The following CA14 variants were observed in gnomAD, a reference collection of about 807,000 sequenced individuals.
The protein encoded by CA14 is carbonic anhydrase 14.
In CA14, 44 loss-of-function variants were observed where a neutral mutation model predicts 48.8. That is an observed-to-expected ratio of 0.90 (90% confidence interval 0.71 to 1.16). The LOEUF is 1.16. Ranked by LOEUF, CA14 falls within the 50% of genes most tolerant of loss-of-function variation. The probability of loss-of-function intolerance (pLI) is 0.00; values close to 1 mark genes in which losing one functional copy is unlikely to be tolerated. For missense variants in CA14, 386 were observed against 401.0 expected, an observed-to-expected ratio of 0.96 and a Z score of 0.32; for synonymous variants, 154 against 155.0, an observed-to-expected ratio of 0.99 and a Z score of 0.05.
Position 150,258,025 on chromosome 1 carries a change from T to TCG in CA14, c.-102_-101dup, listed in dbSNP as rs1553847046. The TCG allele has an allele frequency of 1.2e-5, 9 of 743,968 alleles. No individual in the cohort carries two copies. The highest frequency in any genetic ancestry group is 1.9e-5 in the African/African-American group (1 of 53,230). 46.1% of individuals were successfully genotyped at this position (743,968 alleles called of 1,614,324 possible). A position where few individuals can be genotyped will look rare whatever the true frequency, so the allele number is the denominator to read the frequency against. On this transcript the variant is annotated 5_prime_UTR_variant, in exon 1 of 11. Coordinates refer to ENST00000369111, the MANE Select transcript of CA14 (RefSeq NM_012113.3). ...AAATACACTCACGCCAGGAGCTCGCTCGCTCTCTCTCTCTCTCTCTCACTC... is the reference window on the plus strand; with the variant it reads ...AAATACACTCACGCCAGGAGCTCGCTCGCGCTCTCTCTCTCTCTCTCTCACTC...
chr1:150,264,726 G>C lies in CA14; in HGVS notation c.*67G>C, dbSNP rs1553849098. The C allele has an allele frequency of 3.1e-6, 4 of 1,276,230 alleles. No homozygotes were observed. The highest frequency in any genetic ancestry group is 4.5e-6 in the Non-Finnish European group (4 of 887,148). 79.1% of individuals were successfully genotyped at this position (1,276,230 alleles called of 1,614,324 possible). On this transcript the variant is annotated 3_prime_UTR_variant, in exon 11 of 11. Transcript: ENST00000369111. ...TGCCTATCAGGAAGCCTCTAAAATGGGGTGTAGGATCTGGCCAGAAACACT... is the reference window on the plus strand; with the variant it reads ...TGCCTATCAGGAAGCCTCTAAAATGCGGTGTAGGATCTGGCCAGAAACACT...
In CA14 at chr1:150,260,026, C is replaced by T. The variant is rs371626400; in HGVS notation, c.56-125C>T. Reference sequence around the variant, plus strand: ...GGGCTTCCTTTGCAAAGTGCTGGAGCAGAGGGAGGAGAGACTGCAGAGAGG... The same window carrying T: ...GGGCTTCCTTTGCAAAGTGCTGGAGTAGAGGGAGGAGAGACTGCAGAGAGG... On this transcript the variant is annotated intron_variant, in intron 1 of 10. Transcript: ENST00000369111. 7.8e-6 allele frequency: 7 copies of T among 901,500 alleles called. No homozygotes were observed. The East Asian group carries it at 1.5e-4, about 20-fold the overall frequency. The allele number at this position is 901,500 out of a possible 1,614,324, so 55.8% of individuals were successfully genotyped here. A position where few individuals can be genotyped will look rare whatever the true frequency, so the allele number is the denominator to read the frequency against.
Position 150,263,815 on chromosome 1 carries a change from T to C in CA14, c.884T>C (p.Val295Ala). ...CCAGGTGAAATGCTGAGTCTAGGTG[T>C]AGGAATCTTGGTTGGCTGTCTCTGC... ...YTTGEMLSLG[V>A]GILVGCLCLL... The change falls in exon 10 of 11, where the codon GTA (valine) becomes GCA (alanine). Residue 295 changes from valine to alanine, a missense_variant. Val to Ala is a moderately conservative substitution (Grantham distance 64). Transcript: ENST00000369111. The C allele has an allele frequency of 1.2e-6, 2 of 1,614,012 alleles. No individual in the cohort carries two copies. Among genetic ancestry groups the C allele is most frequent in the Non-Finnish European group, 1.7e-6 (2 of 1,179,934 alleles).
rs1651514802 is a variant in CA14, at chr1:150,264,755, G to GGA, written c.*98_*99dup. The stretch of plus-strand genomic sequence containing the variant: ...GTAGGATCTGGCCAGAAACACTGTA[G>GGA]GAGTAGTAAGCAGATGTCCTCCTTC... On this transcript the variant is annotated 3_prime_UTR_variant, in exon 11 of 11. Coordinates refer to ENST00000369111, the MANE Select transcript of CA14 (RefSeq NM_012113.3). The GGA allele has an allele frequency of 7.0e-6, 6 of 859,986 alleles. No homozygotes were observed. The highest frequency in any genetic ancestry group is 4.6e-5 in the Admixed American group (2 of 43,818). 53.3% of individuals were successfully genotyped at this position (859,986 alleles called of 1,614,324 possible). A position where few individuals can be genotyped will look rare whatever the true frequency, so the allele number is the denominator to read the frequency against.
At chr1:150,261,664 G>T (rs201693213) in intron 3 of CA14, 26 bp downstream of exon 3, 33 of 1,606,236 alleles carry the variant, frequency 2.1e-5, no homozygotes, top group African/African-American at 5.3e-5. Flanking sequence ...CCAAGGAGTT[G>T]TAGGCTCCAG....
intron 4 of CA14, 82 bp downstream of exon 4, chr1:150,262,382 A>T: frequency 6.5e-7 from 1 of 1,537,572 alleles, no homozygotes; most frequent in Non-Finnish European, 8.9e-7. Flanking sequence ...CCTTAGGAAA[A>T]GTCATGCTGG....
rs1469865842 is a variant in CA14 at position 150,258,174 on chromosome 1, G to A, written c.46G>A (p.Ala16Thr). The A allele has an allele frequency of 6.8e-6, 11 of 1,611,026 alleles. No individual in the cohort carries two copies. In the Admixed American group the frequency reaches 1.8e-4, roughly 27 times the overall value. ...GCTGGAGGTGATTTGGATCCTGGCT[G>A]CAGATGGGGGTAGGTACAACTAAAT... ...LLLEVIWILA[A>T]DGGQHWTYEG... Residue 16 changes from alanine to threonine, a missense_variant, in exon 1 of 11, where the codon GCA becomes ACA. Coordinates refer to ENST00000369111, the MANE Select transcript of CA14 (RefSeq NM_012113.3).
In CA14 at chr1:150,262,606, G is replaced by A; in HGVS notation, c.481G>A (p.Gly161Ser). 1 of 1,613,400 alleles carries A rather than the reference G, an allele frequency of 6.2e-7. No individual in the cohort carries two copies. ...GAGGCCTCAGGGCCTGGCTGTCCTG[G>A]GCATCCTAATTGAGGTCAGTAGCCC... ...AERPQGLAVLGILIEVGETKN... is the reference protein window; with the variant it reads ...AERPQGLAVLSILIEVGETKN... The change falls in exon 5 of 11, where the codon GGC (glycine) becomes AGC (serine). Residue 161 changes from glycine (G) to serine (S), a missense_variant. Coordinates refer to ENST00000369111, the MANE Select transcript of CA14 (RefSeq NM_012113.3).
chr1:150,259,750 C>A (rs1266934904), intron 1 of CA14, among the ~76,000 whole-genome samples: 1 of 152,092 alleles, frequency 6.6e-6, no homozygotes, highest in Non-Finnish European at 1.5e-5. Flanking sequence ...GCTTTCTAGT[C>A]CCTATCCTTC....
chr1:150,263,039 C>A lies in CA14; in HGVS notation c.563-3C>A, dbSNP rs781917865. On this transcript the variant is annotated splice_polypyrimidine_tract_variant and splice_region_variant and intron_variant, in intron 6 of 10. Transcript: ENST00000369111. Reference sequence around the variant, plus strand: ...AAGATGAGTCCCAGTCTGTTCTCCCCAGATCAGAAGACCTCAGTGCCTCCC... The same window carrying A: ...AAGATGAGTCCCAGTCTGTTCTCCCAAGATCAGAAGACCTCAGTGCCTCCC... The A allele has an allele frequency of 6.2e-7, 1 of 1,613,898 alleles. No individual in the cohort carries two copies. The highest frequency in any genetic ancestry group is 8.5e-7 in the Non-Finnish European group (1 of 1,179,840).
chr1:150,263,912 CTTCTTTTT>C, intron 10 of CA14, 34 bp downstream of exon 10: 1 of 997,820 alleles, frequency 1.0e-6, no homozygotes, highest in African/African-American at 2.1e-5. Context: ...CCAGTCCCTT[CTTCTTTTT>C]TTTTTTTTTT....
intron 3 of CA14, among the ~76,000 whole-genome samples, 194 bp from the exon 4 acceptor site, chr1:150,261,964 T>C (rs915357308): frequency 6.6e-6 from 1 of 152,082 alleles, no homozygotes; most frequent in Non-Finnish European, 1.5e-5. Context: ...AGTAGGTAGG[T>C]ATCATTGCAC....
chr1:150,263,721 C>G, intron 9 of CA14, 42 bp downstream of exon 9: 1 of 1,613,340 alleles, frequency 6.2e-7, no homozygotes, highest in Non-Finnish European at 8.5e-7. Flanking sequence ...GGGAGGTGTC[C>G]TCACCGAGTG....
In CA14 at chr1:150,261,470, C is replaced by A; in HGVS notation, c.88C>A (p.Gln30Lys). 1.2e-6 allele frequency: 2 copies of A among 1,613,932 alleles called. No homozygotes were observed. The highest frequency in any genetic ancestry group is 2.2e-5 in the South Asian group (2 of 91,042). Residue 30 changes from glutamine (Q) to lysine (K), a missense_variant, in exon 3 of 11, where the codon CAG (glutamine) becomes AAG (lysine). Physicochemically the swap from Gln to Lys is moderately conservative, Grantham distance 53. Transcript: ENST00000369111. Reference protein sequence around the residue: ...QHWTYEGPHGQDHWPASYPEC... With the variant: ...QHWTYEGPHGKDHWPASYPEC... ...GTAACCCCCACCAGGCCCACATGGT[C>A]AGGACCATTGGCCAGCCTCTTACCC... is the stretch of plus-strand genomic sequence containing the variant.
intron 2 of CA14, 54 bp from the exon 3 acceptor site, chr1:150,261,405 G>T (rs890554997): frequency 7.2e-6 from 11 of 1,525,684 alleles, no homozygotes; most frequent in Non-Finnish European, 9.9e-6. Context: ...GGGTGCTGTT[G>T]AAGGGTAGCT....
Position 150,263,843 on chromosome 1 carries a change from TCTC to T in CA14, c.915_917del (p.Leu306del), listed in dbSNP as rs1553848663. On this transcript the variant is annotated inframe_deletion, in exon 10 of 11. Transcript: ENST00000369111. ...GAATCTTGGTTGGCTGTCTCTGCCT[TCTC>T]CTGGCTGTTTATTTCATTGCTAGAA... 6.2e-7 allele frequency: 1 copy of T among 1,613,882 alleles called. No homozygotes were observed.
intron 1 of CA14, among the ~76,000 whole-genome samples, 175 bp from the exon 2 acceptor site, chr1:150,259,976 C>G (rs1553847423): frequency 6.6e-6 from 1 of 152,224 alleles, no homozygotes; most frequent in Non-Finnish European, 1.5e-5. Flanking sequence ...GCCCCCCGAC[C>G]TTTCCACAGA....
chr1:150,259,781 C>T (rs587648728), intron 1 of CA14, among the ~76,000 whole-genome samples: 2 of 151,738 alleles, frequency 1.3e-5, no homozygotes, highest in East Asian at 3.9e-4. Context: ...CCCACACCCT[C>T]ACCCCACCCA....
intron 1 of CA14, among the ~76,000 whole-genome samples, chr1:150,258,787 G>A (rs1263162440): frequency 1.3e-5 from 2 of 152,232 alleles, no homozygotes; most frequent in African/African-American, 4.8e-5. Flanking sequence ...ATTCTTGGGA[G>A]AACAGGCTGA....
Sources: gnomAD v4.1 joint callset for allele counts (sites outside exome capture counted in the v4.1 genomes callset) on GRCh38, gnomAD v4.1.1 for gene constraint, MANE v1.5 for transcripts, NCBI Gene and HGNC (gene_info 2026-07-23, HGNC 2026-07-21) for gene names.